PDE4C: variants seen among roughly 807,000 people sequenced by gnomAD.
The protein encoded by PDE4C is 3',5'-cyclic-AMP phosphodiesterase 4C.
In PDE4C, 50 loss-of-function variants were observed where a neutral mutation model predicts 63.9. That is an observed-to-expected ratio of 0.78 (90% confidence interval 0.62 to 0.99). The LOEUF is 0.99. Among genes scored for constraint, PDE4C ranks in the 50% least tolerant of loss-of-function variants. PDE4C has a pLI of 0.00. For synonymous variants in PDE4C, 377 were observed against 385.1 expected (o/e 0.98, Z 0.25); for missense variants, 777 against 899.1 (o/e 0.86, Z 1.74).
chr19:18,235,948 G>T (rs557896091), upstream of PDE4C, among the ~76,000 whole-genome samples: 12 of 151,872 alleles, frequency 7.9e-5, no homozygotes, highest in Non-Finnish European at 1.5e-4. Context: ...TTTTTTGTTT[G>T]TTTGTTTGTT....
chr19:18,218,608 T>A, intron 9 of PDE4C, 110 bp from the exon 10 acceptor site: 1 of 1,217,244 alleles, frequency 8.2e-7, no homozygotes, highest in Non-Finnish European at 1.2e-6. Context: ...CCTGCTCCTC[T>A]GAGATGCCCT....
At chr19:18,253,898 G>A in the PDE4C span, among the ~76,000 whole-genome samples, 424 of 152,314 alleles carry the variant, frequency 2.8e-3, no homozygotes, top group Non-Finnish European at 4.7e-3. Flanking sequence ...GCACTTACAA[G>A]TTCATTCATC....
intron 1 of PDE4C, chr19:18,232,930 C>A: frequency 1.4e-6 from 2 of 1,440,614 alleles, no homozygotes. Flanking sequence ...CTGCAGGAGG[C>A]CCCTGCCCCG....
At chr19:18,218,307 C>CA (rs1445860154) in intron 10 of PDE4C, 27 bp downstream of exon 10, 3 of 1,613,220 alleles carry the variant, frequency 1.9e-6, no homozygotes, top group Admixed American at 1.7e-5. Context: ...TGCACCCGCC[C>CA]ACCTGCCTGC....
intron 1 of PDE4C, among the ~76,000 whole-genome samples, chr19:18,247,170 C>T (rs1969147884): frequency 6.6e-6 from 1 of 152,234 alleles, no homozygotes; most frequent in Non-Finnish European, 1.5e-5. Context: ...CAAGGGATCT[C>T]CTGCTCCCAA....
chr19:18,235,967 T>C (rs139431452), upstream of PDE4C, among the ~76,000 whole-genome samples: 512 of 152,074 alleles, frequency 3.4e-3, 4 homozygotes, highest in African/African-American at 0.012. Context: ...TTTTGTTTTG[T>C]TTTTAGATGG....
upstream of PDE4C, among the ~76,000 whole-genome samples, chr19:18,234,444 G>A (rs1968915347): frequency 1.3e-5 from 2 of 152,128 alleles, no homozygotes; most frequent in South Asian, 4.1e-4. Context: ...CTTAGTCTCA[G>A]GGGTAATTTC....
At chr19:18,211,216 G>A (rs745876744) in exon 15 of PDE4C, 3 of 1,612,654 alleles carry the variant, frequency 1.9e-6, no homozygotes, top group East Asian at 2.2e-5. Flanking sequence ...TGTGCATCTG[G>A]GTGGACCAGG....
chr19:18,220,525 G>A lies in PDE4C; in HGVS notation c.500-10C>T. On this transcript the variant is annotated splice_polypyrimidine_tract_variant and intron_variant, in intron 5 of 14. Transcript: ENST00000262805. This position sits in a 1 kb window ranked among gnomAD's most constrained non-coding sequence, Gnocchi z 5.1. ...TTCTGCCCCGTGTCCTCTGGGAGCC[G>A]AGGCAGTCAGGGGCCTGCCCAACCC... The A allele has an allele frequency of 1.3e-6, 2 of 1,596,722 alleles. No individual in the cohort carries two copies. Among genetic ancestry groups the A allele is most frequent in the African/African-American group, 1.4e-5 (1 of 71,452 alleles).
downstream of PDE4C, chr19:18,209,359 C>T (rs1292693626): frequency 6.6e-6 from 1 of 152,180 alleles, no homozygotes; most frequent in East Asian, 1.9e-4. Context: ...TCAAGCGATT[C>T]TCCTGCCTCA....
At chr19:18,211,825 C>T (rs1261694915) in exon 14 of PDE4C, 2 of 1,614,268 alleles carry the variant, frequency 1.2e-6, no homozygotes, top group Admixed American at 3.3e-5. Flanking sequence ...CCGACTCACG[C>T]TCGCGGTCTC....
chr19:18,224,465 G>A, intron 1 of PDE4C: 1 of 985,548 alleles, frequency 1.0e-6, no homozygotes, highest in Non-Finnish European at 1.2e-6. Flanking sequence ...AAGTATGACC[G>A]GGTCTGAGTT....
chr19:18,237,381 A>G (rs1968968876), upstream of PDE4C, among the ~76,000 whole-genome samples: 1 of 151,534 alleles, frequency 6.6e-6, no homozygotes, highest in South Asian at 2.1e-4. Flanking sequence ...GAGAAACCCC[A>G]CCTCTACTAA....
At chr19:18,238,224 ATCTC>A (rs1007608158), upstream of PDE4C, among the ~76,000 whole-genome samples, 5 of 148,456 alleles carry the variant, frequency 3.4e-5, no homozygotes, top group South Asian at 4.2e-4. Context: ...GACCCCCTGT[ATCTC>A]TCTCTCTCTC....
intron 7 of PDE4C, among the ~76,000 whole-genome samples, chr19:18,219,822 C>CA (rs756859802): frequency 0.024 from 3,322 of 139,640 alleles, 62 homozygotes; most frequent in Non-Finnish European, 0.033. Flanking sequence ...AACTCTGTAT[C>CA]AAAAAAAAAA....
intron 1 of PDE4C, among the ~76,000 whole-genome samples, chr19:18,247,381 C>T (rs1465494224): frequency 3.3e-5 from 5 of 152,174 alleles, no homozygotes; most frequent in African/African-American, 7.2e-5. Flanking sequence ...CTGCAACCTC[C>T]GCCTCCCAGG....
intron 1 of PDE4C, among the ~76,000 whole-genome samples, chr19:18,246,793 G>A (rs1969142506): frequency 6.6e-6 from 1 of 152,144 alleles, no homozygotes; most frequent in Non-Finnish European, 1.5e-5. Context: ...CGGGCGTCAA[G>A]GCTTGTGCCT....
intron 1 of PDE4C, among the ~76,000 whole-genome samples, chr19:18,246,558 T>C (rs531006054): frequency 4.3e-4 from 65 of 152,222 alleles, no homozygotes; most frequent in African/African-American, 1.5e-3. Context: ...CAGCTACGCC[T>C]GCCCTAGGAG....
intron 1 of PDE4C, among the ~76,000 whole-genome samples, chr19:18,246,349 A>T (rs1191728948): frequency 1.6e-5 from 2 of 127,676 alleles, no homozygotes; most frequent in African/African-American, 2.9e-5. Flanking sequence ...ATGACTGGCT[A>T]TTTTTTTTTT....
Sources: gnomAD v4.1 joint callset for allele counts (sites outside exome capture counted in the v4.1 genomes callset) on GRCh38, gnomAD v4.1.1 for gene constraint, Gnocchi (gnomAD v3.1) non-coding constraint, MANE v1.5 for transcripts, NCBI Gene and HGNC (gene_info 2026-07-23, HGNC 2026-07-21) for gene names.